SPOCK1: variants seen among roughly 807,000 people sequenced by gnomAD.
SPOCK1 encodes the protein testican-1.
In SPOCK1, 23 loss-of-function variants were observed where a neutral mutation model predicts 55.3. The ratio of observed to expected loss-of-function variants is 0.42; its 90% CI spans 0.30 to 0.59. The LOEUF is 0.59. Ranked by LOEUF, SPOCK1 falls within the 20% of genes least tolerant of loss-of-function variation. The probability of loss-of-function intolerance (pLI) is 0.22; values close to 1 mark genes in which losing one functional copy is unlikely to be tolerated. For synonymous variants in SPOCK1, 226 were observed against 221.0 expected (o/e 1.02, Z -0.20); for missense variants, 499 against 552.5 (o/e 0.90, Z 0.97).
intron 3 of SPOCK1, among the ~76,000 whole-genome samples, chr5:137,182,164 G>A (rs1264903465): frequency 2.0e-5 from 3 of 152,214 alleles, no homozygotes; most frequent in East Asian, 3.9e-4. Flanking sequence ...ATCAATTCTG[G>A]AATAAAGTTT....
rs77578720 is a variant in SPOCK1 at position 136,990,695 on chromosome 5, C to A, written c.706+1789G>T. On this transcript the variant is annotated intron_variant, in intron 7 of 10. Coordinates refer to ENST00000394945, the MANE Select transcript of SPOCK1 (RefSeq NM_004598.4). ...GATAATTTACTTTGGCACTACACAGCTCTATGCTTTTGTAAACAATATTTT... is the reference window on the plus strand; with the variant it reads ...GATAATTTACTTTGGCACTACACAGATCTATGCTTTTGTAAACAATATTTT... Among the ~76,000 whole-genome samples the A allele has an allele frequency of 1.1e-4, 17 of 152,198 alleles. No homozygotes were observed. In the East Asian group the frequency reaches 3.1e-3, roughly 28 times the overall value.
At chr5:137,145,013 G>A (rs1453981922) in intron 3 of SPOCK1, among the ~76,000 whole-genome samples, 1 of 152,086 alleles carries the variant, frequency 6.6e-6, no homozygotes, top group African/African-American at 2.4e-5. Flanking sequence ...GACTCCTGTG[G>A]ACCCAAACAG....
intron 3 of SPOCK1, among the ~76,000 whole-genome samples, chr5:137,146,445 G>A (rs948304034): frequency 6.6e-6 from 1 of 152,212 alleles, no homozygotes; most frequent in Admixed American, 6.5e-5. Context: ...TTGTCTCGCT[G>A]TTGCTTTTAA....
At chr5:137,178,431 C>T (rs755287994) in intron 3 of SPOCK1, among the ~76,000 whole-genome samples, 51 of 152,170 alleles carry the variant, frequency 3.4e-4, no homozygotes, top group Admixed American at 2.6e-4. Flanking sequence ...TGGTAGGCAC[C>T]GGGCATGCGA....
At chr5:137,363,489 G>T (rs901480552) in intron 2 of SPOCK1, among the ~76,000 whole-genome samples, 3 of 152,186 alleles carry the variant, frequency 2.0e-5, no homozygotes, top group Admixed American at 2.0e-4. Context: ...TAAGGGCATA[G>T]AACCTGAAGA....
chr5:137,124,001 A>G (rs1301099282), intron 4 of SPOCK1, among the ~76,000 whole-genome samples: 1 of 152,084 alleles, frequency 6.6e-6, no homozygotes, highest in Non-Finnish European at 1.5e-5. Flanking sequence ...TGCTCTGCCT[A>G]TTTCTACCAG....
chr5:137,018,545 G>C (rs1436743694), intron 6 of SPOCK1, among the ~76,000 whole-genome samples: 1 of 152,132 alleles, frequency 6.6e-6, no homozygotes, highest in African/African-American at 2.4e-5. Context: ...ATACTGATAC[G>C]AAAGTATGGA....
rs1164690470 is a variant in SPOCK1 at position 137,117,221 on chromosome 5, G to A, written c.348-4660C>T. ...AGCCAGCCATATCTACCACTTAAGTGTCTCTTCCACGTGTCATGCAAATTC... is the reference window on the plus strand; with the variant it reads ...AGCCAGCCATATCTACCACTTAAGTATCTCTTCCACGTGTCATGCAAATTC... On this transcript the variant is annotated intron_variant, in intron 4 of 10. Coordinates refer to ENST00000394945, the MANE Select transcript of SPOCK1 (RefSeq NM_004598.4). Among the ~76,000 whole-genome samples, 3 of 152,284 alleles carry A rather than the reference G, an allele frequency of 2.0e-5. No homozygotes were observed. The South Asian group carries it at 6.2e-4, about 32-fold the overall frequency.
At chr5:137,099,023 C>T (rs921405833) in intron 5 of SPOCK1, among the ~76,000 whole-genome samples, 2 of 152,216 alleles carry the variant, frequency 1.3e-5, no homozygotes, top group Non-Finnish European at 2.9e-5. Flanking sequence ...AAATCCAGGA[C>T]ATGCTTCAAG....
chr5:137,462,016 G>T (rs532643995), intron 2 of SPOCK1, among the ~76,000 whole-genome samples: 145 of 152,208 alleles, frequency 9.5e-4, no homozygotes, highest in African/African-American at 3.4e-3. Flanking sequence ...GCCAAATGAG[G>T]ACTCAAGCCA....
chr5:137,489,016 A>C (rs537855171), intron 2 of SPOCK1, among the ~76,000 whole-genome samples: 1 of 152,314 alleles, frequency 6.6e-6, no homozygotes, highest in East Asian at 1.9e-4. Flanking sequence ...AAATCAAATT[A>C]ACTTGGATCT....
intron 2 of SPOCK1, among the ~76,000 whole-genome samples, chr5:137,457,708 C>A (rs1753394986): frequency 6.6e-6 from 1 of 152,118 alleles, no homozygotes; most frequent in African/African-American, 2.4e-5. Flanking sequence ...ATTGGAGATG[C>A]AAAGATTAAA....
intron 3 of SPOCK1, among the ~76,000 whole-genome samples, chr5:137,145,982 C>A (rs1754183691): frequency 6.6e-6 from 1 of 152,288 alleles, no homozygotes; most frequent in East Asian, 1.9e-4. Flanking sequence ...GGCCTTGGAG[C>A]CACAGGGACC....
chr5:137,010,800 G>A (rs1050909690), intron 6 of SPOCK1, among the ~76,000 whole-genome samples: 6 of 152,114 alleles, frequency 3.9e-5, no homozygotes, highest in Non-Finnish European at 7.3e-5. Flanking sequence ...ACCACATGCC[G>A]AAATTGGGTC....
At chr5:137,012,153 C>T (rs1364160524) in intron 6 of SPOCK1, among the ~76,000 whole-genome samples, 1 of 152,006 alleles carries the variant, frequency 6.6e-6, no homozygotes, top group Non-Finnish European at 1.5e-5. Context: ...TTCTGTGAGG[C>T]GAGGATTTTA....
chr5:137,302,516 G>A (rs937856272), intron 2 of SPOCK1, among the ~76,000 whole-genome samples: 2 of 151,804 alleles, frequency 1.3e-5, no homozygotes, highest in Non-Finnish European at 2.9e-5. Context: ...GGCAGAGCTT[G>A]CAGTGAGGGG....
intron 6 of SPOCK1, among the ~76,000 whole-genome samples, chr5:137,032,207 A>C (rs936194009): frequency 1.3e-5 from 2 of 152,054 alleles, no homozygotes; most frequent in African/African-American, 4.8e-5. Context: ...ACTCACTGGG[A>C]GTACCAATGA....
intron 6 of SPOCK1, among the ~76,000 whole-genome samples, chr5:137,056,362 C>T (rs1271420706): frequency 6.6e-6 from 1 of 152,058 alleles, no homozygotes; most frequent in Non-Finnish European, 1.5e-5. Flanking sequence ...AGGTCATAGA[C>T]TGAGATCTGG....
At chr5:137,006,973 T>C (rs531213688) in intron 6 of SPOCK1, among the ~76,000 whole-genome samples, 1 of 152,308 alleles carries the variant, frequency 6.6e-6, no homozygotes, top group South Asian at 2.1e-4. Context: ...TGTCACTGGT[T>C]CTGTTTATGT....
Sources: allele counts gnomAD v4.1 joint callset (sites outside exome capture counted in the v4.1 genomes callset), GRCh38; gene constraint gnomAD v4.1.1; transcripts MANE v1.5; gene names NCBI Gene and HGNC (gene_info 2026-07-23, HGNC 2026-07-21).